RPP30: variants seen among roughly 807,000 people sequenced by gnomAD.
RPP30 encodes the protein ribonuclease P/MRP subunit p30.
Under a neutral mutation model 38.6 loss-of-function variants are expected in RPP30, and 36 were observed. The observed-to-expected ratio is 0.93, with a 90% CI of 0.71 to 1.23. RPP30 has a LOEUF of 1.23. Among genes scored for constraint, RPP30 ranks in the 50% most tolerant of loss-of-function variants. RPP30 has a pLI of 0.00. For synonymous variants in RPP30, 126 were observed against 112.7 expected (o/e 1.12, Z -0.75); for missense variants, 321 against 321.7 (o/e 1.00, Z 0.02).
chr10:90,878,279 C>G (rs942660895), intron 4 of RPP30, among the ~76,000 whole-genome samples: 9 of 152,316 alleles, frequency 5.9e-5, no homozygotes, highest in African/African-American at 1.9e-4. Context: ...GCACCTGCTG[C>G]TTCTCTTATA....
chr10:90,907,176 T>G (rs1399255316), downstream of RPP30, among the ~76,000 whole-genome samples: 1 of 152,212 alleles, frequency 6.6e-6, no homozygotes, highest in Non-Finnish European at 1.5e-5. Context: ...TAAAGAAAAG[T>G]TGGTCACATG....
chr10:90,897,163 A>G (rs1236706195), intron 10 of RPP30, among the ~76,000 whole-genome samples: 2 of 152,258 alleles, frequency 1.3e-5, no homozygotes, highest in Non-Finnish European at 1.5e-5. Context: ...TGGAAAATGA[A>G]AGTGAAATTT....
At chr10:90,892,273 C>A (rs1847090297) in intron 6 of RPP30, among the ~76,000 whole-genome samples, 1 of 152,180 alleles carries the variant, frequency 6.6e-6, no homozygotes, top group Non-Finnish European at 1.5e-5. Flanking sequence ...AATGGTCTTA[C>A]AGCAAGATCC....
chr10:90,902,138 A>G lies in RPP30; in HGVS notation c.*1459A>G. 1.0e-6 allele frequency: 1 copy of G among 992,904 alleles called. No individual in the cohort carries two copies. The allele number at this position is 992,904 out of a possible 1,614,324, so 61.5% of individuals were successfully genotyped here. ...TAAAAAGAGAAAGCTTTATAACCTC[A>G]CCAATGAATACAAATGTTTAAATAA... On this transcript the variant is annotated 3_prime_UTR_variant, in exon 11 of 11. Coordinates refer to ENST00000371703, the MANE Select transcript of RPP30 (RefSeq NM_006413.5).
chr10:90,872,194 G>A (rs1023605320), intron 1 of RPP30, 126 bp downstream of exon 1: 3 of 800,512 alleles, frequency 3.7e-6, no homozygotes. Flanking sequence ...TGTCCCTGGA[G>A]GCTGATGCCC....
chr10:90,905,587 C>T (rs1847245748), downstream of RPP30: 1 of 152,228 alleles, frequency 6.6e-6, no homozygotes, highest in Non-Finnish European at 1.5e-5. Context: ...TGAAATGCTG[C>T]TTCCAGGAGA....
At chr10:90,890,708 C>T (rs763736166) in intron 6 of RPP30, among the ~76,000 whole-genome samples, 9 of 150,986 alleles carry the variant, frequency 6.0e-5, no homozygotes, top group Non-Finnish European at 7.4e-5. Context: ...ACACCAGAAA[C>T]AAGGTTAAAA....
downstream of RPP30, chr10:90,903,383 C>G (rs186650487): frequency 4.0e-5 from 26 of 655,158 alleles, no homozygotes; most frequent in East Asian, 6.6e-4. Context: ...TAGTGATGTA[C>G]CAGCTACAGT....
intron 3 of RPP30, 85 bp from the exon 4 acceptor site, chr10:90,875,939 C>G: frequency 2.5e-6 from 2 of 798,336 alleles, no homozygotes; most frequent in African/African-American, 1.7e-5. Flanking sequence ...TAGCCAGTAC[C>G]TTTTAATGAA....
intron 5 of RPP30, 22 bp downstream of exon 5, chr10:90,879,156 G>C: frequency 1.3e-6 from 2 of 1,573,256 alleles, no homozygotes; most frequent in South Asian, 1.1e-5. Context: ...ATAAGTAAAA[G>C]AAAGTAGTGT....
At chr10:90,886,811 A>G (rs1014356008) in intron 6 of RPP30, among the ~76,000 whole-genome samples, 3 of 152,204 alleles carry the variant, frequency 2.0e-5, no homozygotes, top group African/African-American at 7.2e-5. Context: ...TTTTCAAAGG[A>G]TAATTCCCTT....
intron 10 of RPP30, among the ~76,000 whole-genome samples, chr10:90,898,132 G>A (rs536821683): frequency 1.4e-3 from 209 of 152,178 alleles, no homozygotes; most frequent in Non-Finnish European, 2.6e-3. Flanking sequence ...GTCTCCAGGA[G>A]TTCAGTTGCT....
Position 90,895,473 on chromosome 10 carries a change from C to A in RPP30, c.569C>A (p.Ala190Asp). The A allele has an allele frequency of 2.1e-6, 3 of 1,418,750 alleles. No individual in the cohort carries two copies. Among genetic ancestry groups the A allele is most frequent in the Non-Finnish European group, 2.8e-6 (3 of 1,073,646 alleles). The allele number at this position is 1,418,750 out of a possible 1,614,324, so 87.9% of individuals were successfully genotyped here. The stretch of plus-strand genomic sequence containing the variant: ...TTGTAGAATGTAATTATATCTAGTG[C>A]TGCAGAAAGGGTAAGTCTAGCATGA... ...CKGKNVIISS[A>D]AERPLEIRGP... The change falls in exon 8 of 11, where the codon GCT (alanine) becomes GAT (aspartate). Residue 190 changes from alanine (A) to aspartate (D), a missense_variant. Transcript: ENST00000371703.
chr10:90,907,282 C>G (rs918538351), downstream of RPP30, among the ~76,000 whole-genome samples: 5 of 152,054 alleles, frequency 3.3e-5, no homozygotes, highest in African/African-American at 9.7e-5. Context: ...ATTGAAGGAC[C>G]CTGAGCCTTA....
chr10:90,898,344 A>T (rs1226918071), intron 10 of RPP30, among the ~76,000 whole-genome samples: 1 of 152,176 alleles, frequency 6.6e-6, no homozygotes, highest in Non-Finnish European at 1.5e-5. Flanking sequence ...CCCTGAAGAG[A>T]GTCCTAAACT....
intron 2 of RPP30, 34 bp from the exon 3 acceptor site, chr10:90,875,524 A>G: frequency 6.4e-7 from 1 of 1,572,502 alleles, no homozygotes; most frequent in Non-Finnish European, 8.7e-7. Flanking sequence ...ATTAATGGAT[A>G]CAATCTGCAG....
intron 1 of RPP30, 122 bp downstream of exon 1, chr10:90,872,190 T>A: frequency 1.2e-6 from 1 of 813,692 alleles, no homozygotes; most frequent in Non-Finnish European, 2.1e-6. Flanking sequence ...GGGATGTCCC[T>A]GGAGGCTGAT....
downstream of RPP30, among the ~76,000 whole-genome samples, chr10:90,903,870 T>C (rs1847227973): frequency 6.6e-6 from 1 of 152,068 alleles, no homozygotes; most frequent in Admixed American, 6.6e-5. Context: ...AAAGAAAACT[T>C]AATGAAAGTA....
At chr10:90,906,229 G>A (rs1464216019), downstream of RPP30, among the ~76,000 whole-genome samples, 1 of 152,158 alleles carries the variant, frequency 6.6e-6, no homozygotes, top group Non-Finnish European at 1.5e-5. Flanking sequence ...AAGGACTCAA[G>A]GATGGCTTCC....
Sources: gnomAD v4.1 joint callset for allele counts (sites outside exome capture counted in the v4.1 genomes callset) on GRCh38, gnomAD v4.1.1 for gene constraint, MANE v1.5 for transcripts, NCBI Gene and HGNC (gene_info 2026-07-23, HGNC 2026-07-21) for gene names.